The following PRPF6 variants were observed in gnomAD, a reference collection of about 807,000 sequenced individuals.
PRPF6 encodes pre-mRNA processing factor 6, also known as pre-mRNA-processing factor 6.
PRPF6 carries 42 observed loss-of-function variants against 118.3 expected under a neutral mutation model. That is an observed-to-expected ratio of 0.35 (90% CI 0.28 to 0.46). The LOEUF is 0.46. Ranked by LOEUF, PRPF6 falls within the 20% of genes least tolerant of loss-of-function variation. PRPF6 has a pLI of 1.00. For missense variants in PRPF6, 662 were observed against 1,255.7 expected, an observed-to-expected ratio of 0.53 and a Z score of 7.15; for synonymous variants, 481 against 485.1, an observed-to-expected ratio of 0.99 and a Z score of 0.11.
At chr20:64,019,927 C>T (rs2123075130) in intron 12 of PRPF6, among the ~76,000 whole-genome samples, 1 of 152,360 alleles carries the variant, frequency 6.6e-6, no homozygotes, top group African/African-American at 2.4e-5. Context: ...TCACTGTTGT[C>T]CCTTCCTCTC....
At chr20:64,017,719 C>CT (rs1195944811) in intron 12 of PRPF6, among the ~76,000 whole-genome samples, 9 of 152,262 alleles carry the variant, frequency 5.9e-5, no homozygotes, top group Non-Finnish European at 1.3e-4. Flanking sequence ...CTCTCATGCA[C>CT]TTACCTCTTA....
chr20:64,020,402 C>T (rs1353299359), intron 12 of PRPF6, among the ~76,000 whole-genome samples: 2 of 151,838 alleles, frequency 1.3e-5, no homozygotes, highest in Non-Finnish European at 2.9e-5. Context: ...GGTGACAAAG[C>T]GAGACTCTGT....
intron 11 of PRPF6, among the ~76,000 whole-genome samples, chr20:64,013,072 C>G (rs2059221945): frequency 6.6e-6 from 1 of 150,528 alleles, no homozygotes; most frequent in Non-Finnish European, 1.5e-5. Context: ...TCAAGCAGTT[C>G]TCCTACGTCA....
rs1366570655 is a variant in PRPF6 at position 63,993,240 on chromosome 20, G to GTA, written c.360-166_360-165insAT. Among the ~76,000 whole-genome samples the GTA allele has an allele frequency of 7.2e-3, 967 of 134,630 alleles. 15 individuals are homozygous for GTA. Among genetic ancestry groups the GTA allele is most frequent in the African/African-American group, 0.027 (935 of 34,756 alleles). 88.3% of individuals were successfully genotyped at this position (134,630 alleles called of 152,430 possible). A position where few individuals can be genotyped will look rare whatever the true frequency, so the allele number is the denominator to read the frequency against. On this transcript the variant is annotated intron_variant, in intron 3 of 20. Coordinates refer to ENST00000266079, the MANE Select transcript of PRPF6 (RefSeq NM_012469.4). ...CAAAAAAAAAAATGTGTGTGTGTGT[G>GTA]TGTGTGTGTGTGTGTGTGTGTGTAT... is the stretch of plus-strand genomic sequence containing the variant.
rs754704645 is a variant in PRPF6 at position 63,993,389 on chromosome 20, G to A, written c.360-18G>A. 11 of 1,590,770 alleles carry A rather than the reference G, an allele frequency of 6.9e-6. No homozygotes were observed. The highest frequency in any genetic ancestry group is 1.7e-4 in the Middle Eastern group (1 of 6,016). On this transcript the variant is annotated intron_variant, in intron 3 of 20. Transcript: ENST00000266079. ...CAGACATGCAGTGTTTCTGATGTGT[G>A]CATGTTTTATTTCCTAGGGAGCAAA... is the stretch of plus-strand genomic sequence containing the variant.
chr20:64,030,310 C>T (rs2059309208), intron 19 of PRPF6, among the ~76,000 whole-genome samples: 1 of 152,170 alleles, frequency 6.6e-6, no homozygotes, highest in African/African-American at 2.4e-5. Context: ...GCTCACCTGG[C>T]AGAGGTGGCG....
intron 9 of PRPF6, among the ~76,000 whole-genome samples, chr20:64,004,879 C>T (rs1249705367): frequency 1.3e-5 from 2 of 152,170 alleles, no homozygotes; most frequent in African/African-American, 2.4e-5. Flanking sequence ...TACACTAACG[C>T]CATATGCTCT....
At position 63,995,212 on chromosome 20, in the gene PRPF6, G is replaced by A. The variant is rs1321225616; in HGVS notation, c.616-115G>A. On this transcript the variant is annotated intron_variant, in intron 5 of 20. Transcript: ENST00000266079. Reference sequence around the variant, plus strand: ...TCATGGCTATGCTGTGGCCGAGTCTGTCTGCACAGCTGTGCATATGTCAGG... The same window carrying A: ...TCATGGCTATGCTGTGGCCGAGTCTATCTGCACAGCTGTGCATATGTCAGG... 1.7e-5 allele frequency: 26 copies of A among 1,575,010 alleles called. No homozygotes were observed. In the South Asian group the frequency reaches 1.9e-4, roughly 12 times the overall value.
At position 63,995,304 on chromosome 20, in the gene PRPF6, G is replaced by T. The variant is rs186296076; in HGVS notation, c.616-23G>T. The stretch of plus-strand genomic sequence containing the variant: ...CAGTGCAAACCGTTGTTTTATTCTT[G>T]CCTTTCCTCTCTTCCCCTCCAGCAA... On this transcript the variant is annotated intron_variant, in intron 5 of 20. Coordinates refer to ENST00000266079, the MANE Select transcript of PRPF6 (RefSeq NM_012469.4). 447 of 1,598,904 alleles carry T rather than the reference G, an allele frequency of 2.8e-4. No individual in the cohort carries two copies. The African/African-American group carries it at 5.4e-3, about 19-fold the overall frequency.
chr20:64,003,720 C>G (rs1207554197), intron 9 of PRPF6, among the ~76,000 whole-genome samples: 2 of 152,350 alleles, frequency 1.3e-5, no homozygotes, highest in Admixed American at 1.3e-4. Context: ...CTCAGCCCCC[C>G]AAGTAGCTGG....
chr20:64,026,872 C>T lies in PRPF6; in HGVS notation c.2029-110C>T. On this transcript the variant is annotated intron_variant, in intron 15 of 20. Transcript: ENST00000266079. This position sits in a 1 kb window ranked among gnomAD's most constrained non-coding sequence, Gnocchi z 4.4. ...GTGTACACAAACAGGCTATGAAAAG[C>T]TTACAAAAGTACACACAGTACTGCA... The T allele has an allele frequency of 8.6e-7, 1 of 1,165,876 alleles. No homozygotes were observed. Among genetic ancestry groups the T allele is most frequent in the South Asian group, 1.3e-5 (1 of 79,600 alleles). 72.2% of individuals were successfully genotyped at this position (1,165,876 alleles called of 1,614,324 possible). A position where few individuals can be genotyped will look rare whatever the true frequency, so the allele number is the denominator to read the frequency against.
chr20:63,993,783 T>C (rs1262456296), intron 4 of PRPF6, among the ~76,000 whole-genome samples: 1 of 152,002 alleles, frequency 6.6e-6, no homozygotes, highest in Non-Finnish European at 1.5e-5. Flanking sequence ...GCAGTCTGGC[T>C]CTGTTGCCCT....
rs967346237 is a variant in PRPF6 at position 64,029,616 on chromosome 20, C to T, written c.2546+125C>T. The T allele has an allele frequency of 2.2e-5, 18 of 824,408 alleles. No homozygotes were observed. Among genetic ancestry groups the T allele is most frequent in the Non-Finnish European group, 3.0e-5 (15 of 503,878 alleles). 51.1% of individuals were successfully genotyped at this position (824,408 alleles called of 1,614,324 possible). On this transcript the variant is annotated intron_variant, in intron 19 of 20. Coordinates refer to ENST00000266079, the MANE Select transcript of PRPF6 (RefSeq NM_012469.4). This position sits in a 1 kb window ranked among gnomAD's most constrained non-coding sequence, Gnocchi z 4.8. Reference sequence around the variant, plus strand: ...CAGCAGGGTGGGCTTCCCCGATCCTCGGCTGCCGTCGCTCCTGCTGTGGTC... The same window carrying T: ...CAGCAGGGTGGGCTTCCCCGATCCTTGGCTGCCGTCGCTCCTGCTGTGGTC...
At position 64,000,021 on chromosome 20, in the gene PRPF6, G is replaced by A. The variant is rs564714178; in HGVS notation, c.1023+262G>A. On this transcript the variant is annotated intron_variant, in intron 8 of 20. Transcript: ENST00000266079. ...GGCTGGAGTGCAGTGGCACGATCTC[G>A]GCTCACCGCAAGCTCCACCTGCCAG... is the stretch of plus-strand genomic sequence containing the variant. Among the ~76,000 whole-genome samples the A allele has an allele frequency of 1.6e-3, 234 of 150,532 alleles. 1 individual carries two copies. Among genetic ancestry groups the A allele is most frequent in the Middle Eastern group, 0.01 (3 of 292 alleles).
chr20:64,031,132 T>C (rs974421002), intron 19 of PRPF6, among the ~76,000 whole-genome samples: 1 of 152,236 alleles, frequency 6.6e-6, no homozygotes, highest in African/African-American at 2.4e-5. Flanking sequence ...TCCAGTGGCC[T>C]GAGGGCTGTG....
chr20:63,996,147 T>G (rs1601514638), intron 6 of PRPF6, among the ~76,000 whole-genome samples: 2 of 151,676 alleles, frequency 1.3e-5, no homozygotes. Context: ...ACTTTTGGCC[T>G]GGCCAACATG....
In PRPF6 at chr20:63,981,710, A is replaced by T. The variant is rs1053672588; in HGVS notation, c.71+394A>T. Among the ~76,000 whole-genome samples, 4 of 139,590 alleles carry T rather than the reference A, an allele frequency of 2.9e-5. No homozygotes were observed. The East Asian group carries it at 9.1e-4, about 32-fold the overall frequency. 91.6% of individuals were successfully genotyped at this position (139,590 alleles called of 152,430 possible). A position where few individuals can be genotyped will look rare whatever the true frequency, so the allele number is the denominator to read the frequency against. On this transcript the variant is annotated intron_variant, in intron 1 of 20. Coordinates refer to ENST00000266079, the MANE Select transcript of PRPF6 (RefSeq NM_012469.4). ...TGGGTCCTCTATGCCTGCAACACAG[A>T]TGACCACCGTGCGTTGCTGGATAAG...
chr20:64,030,041 C>T (rs2059308415), intron 19 of PRPF6, among the ~76,000 whole-genome samples: 1 of 152,232 alleles, frequency 6.6e-6, no homozygotes, highest in Non-Finnish European at 1.5e-5. Flanking sequence ...TGGAACCTTG[C>T]AGGCAGCAGC....
rs765617598 is a variant in PRPF6 at position 64,028,545 on chromosome 20, G to T, written c.2407G>T (p.Ala803Ser). ...KNIANTLMAK[A>S]LQECPNSGIL... ...CATCGCAAATACACTCATGGCCAAG[G>T]CGCTGCAGGAGTGCCCCAACTCCGG... The change falls in exon 18 of 21, where the codon GCG becomes TCG. Residue 803 changes from alanine (A) to serine (S), a missense_variant. Around this residue, in one of 10 missense-constraint regions of PRPF6, gnomAD observed 244 missense variants for 383.7 expected, o/e 0.64. Transcript: ENST00000266079. The surrounding 1 kb of genome is among the most constrained non-coding windows in gnomAD (Gnocchi z 6.5). 1 of 1,613,640 alleles carries T rather than the reference G, an allele frequency of 6.2e-7. No homozygotes were observed. Among genetic ancestry groups the T allele is most frequent in the Non-Finnish European group, 8.5e-7 (1 of 1,179,992 alleles).
Sources: allele counts gnomAD v4.1 joint callset (sites outside exome capture counted in the v4.1 genomes callset), GRCh38; gene constraint gnomAD v4.1.1; regional missense constraint gnomAD v4.1.1; non-coding constraint Gnocchi (gnomAD v3.1); transcripts MANE v1.5; gene names NCBI Gene and HGNC (gene_info 2026-07-23, HGNC 2026-07-21).